The following FAAH2 variants were observed in gnomAD, a reference collection of about 807,000 sequenced individuals.
FAAH2 encodes fatty acid amide hydrolase 2, also known as fatty-acid amide hydrolase 2.
In FAAH2, 60 loss-of-function variants were observed where a neutral mutation model predicts 36.9. The observed-to-expected ratio is 1.63, with a 90% CI of 1.32 to 2.02. FAAH2 has a LOEUF of 2.02. Ranked by LOEUF, FAAH2 falls within the 30% of genes most tolerant of loss-of-function variation. The pLI is 0.00. For synonymous variants in FAAH2, 214 were observed against 143.8 expected (o/e 1.49, Z -3.49); for missense variants, 689 against 397.5 (o/e 1.73, Z -6.23).
At chrX:57,353,893 G>A (rs182168007) in intron 5 of FAAH2, among the ~76,000 whole-genome samples, 24 of 111,135 alleles carry the variant, frequency 2.2e-4, no homozygotes. Context: ...CAAAACCAAT[G>A]TGAGATTATA....
chrX:57,285,708 G>A (rs1011232493), upstream of FAAH2, among the ~76,000 whole-genome samples: 2 of 111,840 alleles, frequency 1.8e-5, no homozygotes, highest in African/African-American at 6.5e-5. Flanking sequence ...AGGGATAGAA[G>A]GGGTTAGGGA....
the FAAH2 span, among the ~76,000 whole-genome samples, chrX:57,245,284 A>G: frequency 9.0e-6 from 1 of 111,580 alleles, no homozygotes; most frequent in African/African-American, 3.3e-5. Context: ...TAATAGTGGG[A>G]GACTTTAACA....
intron 3 of FAAH2, among the ~76,000 whole-genome samples, chrX:57,322,808 CTT>C (rs60242728): frequency 9.5e-5 from 10 of 105,752 alleles, no homozygotes; most frequent in South Asian, 4.2e-4. Context: ...CTTGTGATTT[CTT>C]TTTTTTTTTG....
intron 7 of FAAH2, among the ~76,000 whole-genome samples, chrX:57,409,055 A>T (rs771944673): frequency 8.9e-6 from 1 of 111,739 alleles, no homozygotes; most frequent in African/African-American, 3.2e-5. Flanking sequence ...TAACATATAC[A>T]GCATGTTACT....
At chrX:57,324,020 A>C (rs2053127244) in intron 3 of FAAH2, among the ~76,000 whole-genome samples, 1 of 111,868 alleles carries the variant, frequency 8.9e-6, no homozygotes, top group South Asian at 3.7e-4. Context: ...TTTTTGTATA[A>C]GGTGTAAGGA....
At chrX:57,190,457 A>C in the FAAH2 span, among the ~76,000 whole-genome samples, 4 of 108,778 alleles carry the variant, frequency 3.7e-5, no homozygotes, top group African/African-American at 6.7e-5. Flanking sequence ...AAAAAAAAAA[A>C]AAAAAACTTC....
the FAAH2 span, chrX:57,137,232 G>C: frequency 5.3e-6 from 4 of 760,810 alleles, no homozygotes; most frequent in African/African-American, 2.3e-5. Flanking sequence ...GCCGGGGATC[G>C]CGGGCCTCAC....
chrX:57,345,200 TC>T (rs1344978780), intron 5 of FAAH2, among the ~76,000 whole-genome samples: 2 of 104,353 alleles, frequency 1.9e-5, no homozygotes, highest in Admixed American at 1.0e-4. Context: ...TCCTCTCCCC[TC>T]CCCTTCCCTT....
rs150157708 is a variant in FAAH2 at position 57,482,321 on chromosome X, A to T, written c.1424-6436A>T. Reference sequence around the variant, plus strand: ...TGGGATATGACAAAAATATGCCTGCAGCTATCTCAGTGTCAAAACAGCCAC... The same window carrying T: ...TGGGATATGACAAAAATATGCCTGCTGCTATCTCAGTGTCAAAACAGCCAC... On this transcript the variant is annotated intron_variant, in intron 10 of 10. Coordinates refer to ENST00000374900, the MANE Select transcript of FAAH2 (RefSeq NM_174912.4). Among the ~76,000 whole-genome samples, 63 of 111,725 alleles carry T rather than the reference A, an allele frequency of 5.6e-4. No homozygotes were observed. In the East Asian group the frequency reaches 6.8e-3, roughly 12 times the overall value.
chrX:57,297,185 G>T lies in FAAH2; in HGVS notation c.275+4605G>T, dbSNP rs979065349. 4.8e-5 allele frequency among the ~76,000 whole-genome samples: 5 copies of T among 104,203 alleles called. No individual in the cohort carries two copies. The East Asian group carries it at 1.5e-3, about 32-fold the overall frequency. The allele number at this position is 104,203 out of a possible 115,157, so 90.5% of individuals were successfully genotyped here. On this transcript the variant is annotated intron_variant, in intron 2 of 10. Transcript: ENST00000374900. ...CCAAAGTTGAAATGAAGGAAAAAAT[G>T]TTAAGGGCAGCCAGAGAGAAAGGTT...
intron 5 of FAAH2, among the ~76,000 whole-genome samples, chrX:57,375,207 G>T (rs1425951911): frequency 9.2e-6 from 1 of 109,168 alleles, no homozygotes; most frequent in East Asian, 2.9e-4. Flanking sequence ...TGTCCTTTCT[G>T]GTTTTAGTAT....
At chrX:57,218,598 A>T in the FAAH2 span, among the ~76,000 whole-genome samples, 12 of 111,815 alleles carry the variant, frequency 1.1e-4, no homozygotes, top group African/African-American at 3.9e-4. Context: ...GGATTCAGTT[A>T]GCTAGTATTC....
chrX:57,394,968 C>T (rs1361152513), intron 7 of FAAH2: 1 of 578,790 alleles, frequency 1.7e-6, no homozygotes, highest in Non-Finnish European at 3.1e-6. Flanking sequence ...TCCAAGCATC[C>T]TTTAGGCATA....
rs908272363 is a variant in FAAH2, at chrX:57,489,123, T to C, written c.*191T>C. On this transcript the variant is annotated 3_prime_UTR_variant, in exon 11 of 11. Coordinates refer to ENST00000374900, the MANE Select transcript of FAAH2 (RefSeq NM_174912.4). ...GTCTTACTAAAATGGTAATATTTGC[T>C]TCTTGCTTTTATGTTACTGGAAAAT... 1.1e-5 allele frequency: 5 copies of C among 446,054 alleles called. No individual in the cohort carries two copies. In the East Asian group the frequency reaches 1.7e-4, roughly 15 times the overall value. 36.8% of individuals were successfully genotyped at this position (446,054 alleles called of 1,213,427 possible). A position where few individuals can be genotyped will look rare whatever the true frequency, so the allele number is the denominator to read the frequency against.
At chrX:57,195,195 C>T in the FAAH2 span, among the ~76,000 whole-genome samples, 1 of 111,831 alleles carries the variant, frequency 8.9e-6, no homozygotes, top group African/African-American at 3.2e-5. Context: ...ATACTGTTTC[C>T]CATAGTGATC....
chrX:57,368,891 A>AT (rs1049087004), intron 5 of FAAH2, among the ~76,000 whole-genome samples: 3 of 110,527 alleles, frequency 2.7e-5, no homozygotes, highest in South Asian at 3.8e-4. Flanking sequence ...GAAATTTCTA[A>AT]TTTTTTTTAA....
rs1172140487 is a variant in FAAH2, at chrX:57,352,862, AAAAC to A, written c.742+11480_742+11483del. ...GGCAATCTCATTTATGATAGTTACAAAAACAAACAAAATACCTGCTTATAAATTT... is the reference window on the plus strand; with the variant it reads ...GGCAATCTCATTTATGATAGTTACAAAAACAAAATACCTGCTTATAAATTT... On this transcript the variant is annotated intron_variant, in intron 5 of 10. Transcript: ENST00000374900. Among the ~76,000 whole-genome samples, 7 of 110,982 alleles carry A rather than the reference AAAAC, an allele frequency of 6.3e-5. No individual in the cohort carries two copies. The South Asian group carries it at 2.2e-3, about 35-fold the overall frequency.
At chrX:57,210,929 A>T in the FAAH2 span, among the ~76,000 whole-genome samples, 1 of 112,753 alleles carries the variant, frequency 8.9e-6, no homozygotes, top group Admixed American at 9.4e-5. Flanking sequence ...AATGCATCTA[A>T]AATATGTATT....
Position 57,410,712 on chromosome X carries a change from G to T in FAAH2, c.997-21206G>T, listed in dbSNP as rs759463468. 3.6e-5 allele frequency among the ~76,000 whole-genome samples: 4 copies of T among 111,045 alleles called. No homozygotes were observed. The Admixed American group carries it at 3.8e-4, about 11-fold the overall frequency. Reference sequence around the variant, plus strand: ...ACTTTTTGATGCTGCAATTTGCATGGAATATATTTTTCTATCTCTTTATTG... The same window carrying T: ...ACTTTTTGATGCTGCAATTTGCATGTAATATATTTTTCTATCTCTTTATTG... On this transcript the variant is annotated intron_variant, in intron 7 of 10. Coordinates refer to ENST00000374900, the MANE Select transcript of FAAH2 (RefSeq NM_174912.4).
Sources: gnomAD v4.1 joint callset for allele counts (sites outside exome capture counted in the v4.1 genomes callset) on GRCh38, gnomAD v4.1.1 for gene constraint, MANE v1.5 for transcripts, NCBI Gene and HGNC (gene_info 2026-07-23, HGNC 2026-07-21) for gene names.